DPP10: variants seen among roughly 807,000 people sequenced by gnomAD.
DPP10 encodes the protein inactive dipeptidyl peptidase 10.
DPP10 carries 33 observed loss-of-function variants against 120.9 expected under a neutral mutation model. The observed-to-expected ratio is 0.27, with a 90% CI of 0.21 to 0.37. The LOEUF is 0.37. DPP10 is among the 10% of genes least tolerant of loss of function. DPP10 has a pLI of 1.00. For synonymous variants in DPP10, 337 were observed against 326.1 expected (o/e 1.03, Z -0.36); for missense variants, 816 against 942.8 (o/e 0.87, Z 1.76).
intron 1 of DPP10, among the ~76,000 whole-genome samples, chr2:114,495,005 T>C (rs1189798212): frequency 6.6e-6 from 1 of 152,116 alleles, no homozygotes; most frequent in Non-Finnish European, 1.5e-5. Context: ...TTGTGAAATT[T>C]GGAGGTCTTT....
At chr2:114,444,359 G>C (rs541358989) in intron 1 of DPP10, among the ~76,000 whole-genome samples, 5 of 152,236 alleles carry the variant, frequency 3.3e-5, no homozygotes, top group African/African-American at 1.2e-4. Flanking sequence ...GCCTAAAGTG[G>C]GATAGAGTTA....
At chr2:115,637,056 G>A (rs2086395287) in intron 5 of DPP10, among the ~76,000 whole-genome samples, 1 of 152,078 alleles carries the variant, frequency 6.6e-6, no homozygotes, top group Admixed American at 6.6e-5. Context: ...TAAAATATAT[G>A]TTTGAACAGA....
intron 1 of DPP10, among the ~76,000 whole-genome samples, chr2:115,264,584 T>C (rs1431210740): frequency 6.6e-6 from 1 of 152,216 alleles, no homozygotes; most frequent in Admixed American, 6.5e-5. Flanking sequence ...ATAAGCCATT[T>C]CAATGTGGGG....
At position 115,067,880 on chromosome 2, in the gene DPP10, A is replaced by G. The variant is rs1050249746; in HGVS notation, c.61-241359A>G. ...CTGTCTCAAAAAAAAAAAAAAAAAAAGAAAAAAAAGAAAAATATTCCTGTG... is the reference window on the plus strand; with the variant it reads ...CTGTCTCAAAAAAAAAAAAAAAAAAGGAAAAAAAAGAAAAATATTCCTGTG... On this transcript the variant is annotated intron_variant, in intron 1 of 25. Transcript: ENST00000410059. 9.7e-4 allele frequency among the ~76,000 whole-genome samples: 143 copies of G among 147,496 alleles called. 1 individual carries two copies. The Middle Eastern group carries it at 0.021, about 22-fold the overall frequency.
chr2:115,771,689 T>C (rs1375442604), intron 13 of DPP10, among the ~76,000 whole-genome samples: 1 of 152,240 alleles, frequency 6.6e-6, no homozygotes, highest in Non-Finnish European at 1.5e-5. Flanking sequence ...ATGATTCTAC[T>C]TAAAGTTGTC....
At chr2:115,794,436 G>T (rs896426946) in intron 19 of DPP10, among the ~76,000 whole-genome samples, 7 of 152,040 alleles carry the variant, frequency 4.6e-5, no homozygotes, top group East Asian at 1.9e-4. Flanking sequence ...TCCCTTGCTT[G>T]GTCATATGTT....
At chr2:114,679,241 G>A (rs56397434) in intron 1 of DPP10, among the ~76,000 whole-genome samples, 1 of 152,010 alleles carries the variant, frequency 6.6e-6, no homozygotes. Context: ...GTGGTGCTGA[G>A]CTCTGTTGTA....
chr2:115,203,278 C>T (rs2055875912), intron 1 of DPP10, among the ~76,000 whole-genome samples: 1 of 152,052 alleles, frequency 6.6e-6, no homozygotes, highest in Non-Finnish European at 1.5e-5. Flanking sequence ...TTTTCCCTCT[C>T]CAACCTTATT....
chr2:115,457,111 G>A, intron 3 of DPP10, among the ~76,000 whole-genome samples: 1 of 151,794 alleles, frequency 6.6e-6, no homozygotes, highest in African/African-American at 2.4e-5. Flanking sequence ...CAAGAAATAA[G>A]CCCTTAGGTT....
intron 1 of DPP10, among the ~76,000 whole-genome samples, chr2:115,154,923 ACTCT>A (rs2051802752): frequency 6.8e-6 from 1 of 146,332 alleles, no homozygotes; most frequent in African/African-American, 2.5e-5. Flanking sequence ...ACAGAATCTC[ACTCT>A]GTCACCCAGG....
At chr2:115,387,462 A>T (rs1229029047) in intron 3 of DPP10, among the ~76,000 whole-genome samples, 1 of 152,208 alleles carries the variant, frequency 6.6e-6, no homozygotes, top group Non-Finnish European at 1.5e-5. Flanking sequence ...AACTATTATT[A>T]TCATATCAAA....
At position 115,632,496 on chromosome 2, in the gene DPP10, A is replaced by G. The variant is rs202039541; in HGVS notation, c.442-57191A>G. ...GCTGTTAACGATTTTTCCCTTCCATATTTAGCCCTTCCTACAATAGCTCTT... is the reference window on the plus strand; with the variant it reads ...GCTGTTAACGATTTTTCCCTTCCATGTTTAGCCCTTCCTACAATAGCTCTT... On this transcript the variant is annotated intron_variant, in intron 5 of 25. Coordinates refer to ENST00000410059, the MANE Select transcript of DPP10 (RefSeq NM_020868.6). Among the ~76,000 whole-genome samples, 64 of 152,128 alleles carry G rather than the reference A, an allele frequency of 4.2e-4. No homozygotes were observed. The East Asian group carries it at 0.011, about 26-fold the overall frequency.
chr2:115,711,449 A>C (rs1018951378), intron 7 of DPP10, among the ~76,000 whole-genome samples: 47 of 152,140 alleles, frequency 3.1e-4, no homozygotes, highest in African/African-American at 1.1e-3. Context: ...ATTCTTGTAC[A>C]TCATAAAATG....
chr2:114,864,994 T>C (rs756452857), intron 1 of DPP10, among the ~76,000 whole-genome samples: 2 of 152,130 alleles, frequency 1.3e-5, no homozygotes, highest in Non-Finnish European at 2.9e-5. Flanking sequence ...AATAGTAAAA[T>C]CTGGGGAAAA....
chr2:115,783,989 TAAAA>T (rs896252400), intron 17 of DPP10, among the ~76,000 whole-genome samples: 2 of 152,200 alleles, frequency 1.3e-5, no homozygotes, highest in Admixed American at 1.3e-4. Flanking sequence ...AAAGGATGAT[TAAAA>T]ATTTTCCAAT....
chr2:114,480,787 A>C (rs1680961158), intron 1 of DPP10, among the ~76,000 whole-genome samples: 1 of 151,964 alleles, frequency 6.6e-6, no homozygotes, highest in South Asian at 2.1e-4. Context: ...CAGCACACCA[A>C]CATGGCACAT....
chr2:114,710,411 G>A (rs944611614), intron 1 of DPP10, among the ~76,000 whole-genome samples: 10 of 152,198 alleles, frequency 6.6e-5, no homozygotes, highest in African/African-American at 2.4e-4. Context: ...CATTTCTGGA[G>A]CACCTACTGT....
chr2:114,480,071 A>C (rs950332741), intron 1 of DPP10, among the ~76,000 whole-genome samples: 3 of 152,208 alleles, frequency 2.0e-5, no homozygotes, highest in Admixed American at 1.3e-4. Flanking sequence ...GACATTTCTC[A>C]AGACATTTAT....
At chr2:114,994,181 A>T (rs975954425) in intron 1 of DPP10, among the ~76,000 whole-genome samples, 3 of 152,166 alleles carry the variant, frequency 2.0e-5, no homozygotes, top group African/African-American at 7.2e-5. Context: ...TCTGGTGATT[A>T]GCATATATGT....
Sources: gnomAD v4.1 joint callset for allele counts (sites outside exome capture counted in the v4.1 genomes callset) on GRCh38, gnomAD v4.1.1 for gene constraint, MANE v1.5 for transcripts, NCBI Gene and HGNC (gene_info 2026-07-23, HGNC 2026-07-21) for gene names.